UGT1A3: variants seen among roughly 807,000 people sequenced by gnomAD.
UGT1A3 encodes the protein UDP glucuronosyltransferase family 1 member A3.
Under a neutral mutation model 41.0 loss-of-function variants are expected in UGT1A3, and 31 were observed. The ratio of observed to expected loss-of-function variants is 0.76; its 90% CI spans 0.57 to 1.02. UGT1A3 has a LOEUF of 1.02. Among genes scored for constraint, UGT1A3 ranks in the 50% least tolerant of loss-of-function variants. The pLI, the probability that UGT1A3 is intolerant of heterozygous loss-of-function variation, is 0.00. For missense variants in UGT1A3, 737 were observed against 671.0 expected (o/e 1.10, Z -1.09); for synonymous variants, 262 against 257.6 (o/e 1.02, Z -0.17).
intron 1 of UGT1A3, among the ~76,000 whole-genome samples, chr2:233,749,246 T>C (rs765293150): frequency 2.6e-5 from 4 of 151,942 alleles, no homozygotes; most frequent in East Asian, 1.9e-4. Flanking sequence ...TCAAACCACA[T>C]GATTTTTTTA....
chr2:233,759,816 G>T (rs540177588), intron 1 of UGT1A3, among the ~76,000 whole-genome samples: 2 of 152,284 alleles, frequency 1.3e-5, no homozygotes, highest in East Asian at 3.9e-4. Context: ...AGGCAGTACC[G>T]GGGGAGCTGT....
intron 1 of UGT1A3, chr2:233,743,989 C>T: frequency 7.9e-7 from 1 of 1,273,692 alleles, no homozygotes; most frequent in South Asian, 1.3e-5. Context: ...AGGCGCAGGC[C>T]CGAGTGCTCG....
In UGT1A3 at chr2:233,761,134, C is replaced by T. The variant is rs1160983011; in HGVS notation, c.868-5900C>T. ...TGTTGGTGGAATCAACTGCCTTCAC[C>T]AAAATCCACTATCCCAGGTGTGTAT... On this transcript the variant is annotated intron_variant, in intron 1 of 4. Coordinates refer to ENST00000482026, the MANE Select transcript of UGT1A3 (RefSeq NM_019093.4). 3.7e-6 allele frequency: 6 copies of T among 1,614,160 alleles called. No homozygotes were observed. Among genetic ancestry groups the T allele is most frequent in the Non-Finnish European group, 5.1e-6 (6 of 1,180,024 alleles).
At chr2:233,752,965 A>C (rs1252890509) in intron 1 of UGT1A3, among the ~76,000 whole-genome samples, 1 of 152,202 alleles carries the variant, frequency 6.6e-6, no homozygotes, top group East Asian at 1.9e-4. Flanking sequence ...GATTTATGTA[A>C]CCAATTGTGT....
intron 1 of UGT1A3, among the ~76,000 whole-genome samples, chr2:233,744,983 A>G (rs1224917598): frequency 1.3e-5 from 2 of 151,846 alleles, no homozygotes; most frequent in African/African-American, 4.9e-5. Flanking sequence ...GCCTCTAGTC[A>G]TCTCTTGATT....
rs763953331 is a variant in UGT1A3, at chr2:233,743,717, C to T, written c.867+13724C>T. The T allele has an allele frequency of 8.8e-6, 12 of 1,367,234 alleles. No individual in the cohort carries two copies. In the East Asian group the frequency reaches 2.7e-4, roughly 31 times the overall value. 84.7% of individuals were successfully genotyped at this position (1,367,234 alleles called of 1,614,324 possible). On this transcript the variant is annotated intron_variant, in intron 1 of 4. Coordinates refer to ENST00000482026, the MANE Select transcript of UGT1A3 (RefSeq NM_019093.4). ...GCCCTCCGCCCCCGCCTCGCCATAG[C>T]GGTCATAGATATCGCGTTTCTTGGC... is the stretch of plus-strand genomic sequence containing the variant.
chr2:233,772,307 C>G lies in UGT1A3; in HGVS notation c.1353C>G (p.Arg451=), dbSNP rs1321809873. The G allele has an allele frequency of 6.2e-7, 1 of 1,614,232 alleles. No homozygotes were observed. The highest frequency in any genetic ancestry group is 1.7e-5 in the Admixed American group (1 of 60,028). Residue 451 remains arginine (R), a synonymous_variant, in exon 5 of 5, where the codon CGC becomes CGG. Coordinates refer to ENST00000482026, the MANE Select transcript of UGT1A3 (RefSeq NM_019093.4). ...IMRLSSLHKD[R]PVEPLDLAVF... ...GCCTCTCCAGCCTTCACAAGGACCGCCCGGTGGAGCCGCTGGACCTGGCCG... is the reference window on the plus strand; with the variant it reads ...GCCTCTCCAGCCTTCACAAGGACCGGCCGGTGGAGCCGCTGGACCTGGCCG...
chr2:233,735,219 T>G (rs1349774730), intron 1 of UGT1A3, among the ~76,000 whole-genome samples: 1 of 152,194 alleles, frequency 6.6e-6, no homozygotes, highest in Admixed American at 6.5e-5. Flanking sequence ...GCATATATAT[T>G]TAGGATAGTT....
At chr2:233,760,734 G>C (rs1458334680) in intron 1 of UGT1A3, 2 of 1,614,080 alleles carry the variant, frequency 1.2e-6, no homozygotes, top group Non-Finnish European at 1.7e-6. Context: ...ATGTCATGCT[G>C]ACGGACCCTT....
intron 1 of UGT1A3, chr2:233,743,999 G>C (rs981482683): frequency 6.6e-6 from 8 of 1,219,924 alleles, no homozygotes; most frequent in African/African-American, 3.2e-5. Flanking sequence ...CCGAGTGCTC[G>C]GAGACCTGGG....
At position 233,768,045 on chromosome 2, in the gene UGT1A3, A is replaced by G. The variant is rs1699553884; in HGVS notation, c.1087+109A>G. 10 of 1,608,356 alleles carry G rather than the reference A, an allele frequency of 6.2e-6. No individual in the cohort carries two copies. The Admixed American group carries it at 1.5e-4, about 25-fold the overall frequency. On this transcript the variant is annotated intron_variant, in intron 3 of 4. Coordinates refer to ENST00000482026, the MANE Select transcript of UGT1A3 (RefSeq NM_019093.4). ...TGAGCTTGAAAATATTATGGCCAAC[A>G]TATCCTACATTGCTTTTTATCTAGT...
intron 1 of UGT1A3, among the ~76,000 whole-genome samples, chr2:233,751,262 C>A (rs1474286955): frequency 1.3e-5 from 2 of 151,906 alleles, no homozygotes; most frequent in Non-Finnish European, 2.9e-5. Flanking sequence ...GCCTGTAGCC[C>A]CCTTTTTTTG....
chr2:233,729,088 C>A lies in UGT1A3; in HGVS notation c.-39C>A. 8 of 1,612,432 alleles carry A rather than the reference C, an allele frequency of 5.0e-6. No homozygotes were observed. Among genetic ancestry groups the A allele is most frequent in the Non-Finnish European group, 6.8e-6 (8 of 1,179,846 alleles). ...AAGAAAGCAAATGTAGCAGGCACAGCGTGGGGTGGACAGTCAGCTGTCCGT... is the reference window on the plus strand; with the variant it reads ...AAGAAAGCAAATGTAGCAGGCACAGAGTGGGGTGGACAGTCAGCTGTCCGT... On this transcript the variant is annotated 5_prime_UTR_variant, in exon 1 of 5. Transcript: ENST00000482026.
chr2:233,760,870 A>G lies in UGT1A3; in HGVS notation c.868-6164A>G, dbSNP rs761998591. Reference sequence around the variant, plus strand: ...CCCCAACCCATTCTCCTACGTGCCCAGGCCTCTCTCCTCTCATTCAGATCA... The same window carrying G: ...CCCCAACCCATTCTCCTACGTGCCCGGGCCTCTCTCCTCTCATTCAGATCA... On this transcript the variant is annotated intron_variant, in intron 1 of 4. Transcript: ENST00000482026. 2.5e-6 allele frequency: 4 copies of G among 1,614,048 alleles called. No individual in the cohort carries two copies. Among genetic ancestry groups the G allele is most frequent in the Admixed American group, 3.3e-5 (2 of 60,002 alleles).
At chr2:233,765,715 T>C (rs1435382994) in intron 1 of UGT1A3, among the ~76,000 whole-genome samples, 2 of 140,082 alleles carry the variant, frequency 1.4e-5, no homozygotes, top group African/African-American at 6.4e-5. Flanking sequence ...TAATAATTAA[T>C]AATAATAATA....
At position 233,772,966 on chromosome 2, in the gene UGT1A3, C is replaced by T; in HGVS notation, c.*407C>T. ...CTTCTGCAGATGGTTGCAATTGATCCTTAACCAATAATGGTCAGTCCTCAT... is the reference window on the plus strand; with the variant it reads ...CTTCTGCAGATGGTTGCAATTGATCTTTAACCAATAATGGTCAGTCCTCAT... On this transcript the variant is annotated 3_prime_UTR_variant, in exon 5 of 5. Transcript: ENST00000482026. 1 of 310,570 alleles carries T rather than the reference C, an allele frequency of 3.2e-6. No homozygotes were observed. The highest frequency in any genetic ancestry group is 3.3e-5 in the South Asian group (1 of 30,476). The allele number at this position is 310,570 out of a possible 1,614,324, so 19.2% of individuals were successfully genotyped here.
intron 1 of UGT1A3, chr2:233,761,214 TTAAC>T (rs747537928): frequency 1.9e-6 from 3 of 1,613,728 alleles, no homozygotes; most frequent in Non-Finnish European, 2.5e-6. Context: ...TTTGGATCGA[TTAAC>T]TAGCCCCAGA....
intron 1 of UGT1A3, chr2:233,747,353 C>T (rs1297550032): frequency 5.6e-6 from 9 of 1,602,858 alleles, no homozygotes; most frequent in East Asian, 2.2e-5. Context: ...TGCGGGAGGC[C>T]GTGCGGGAGC....
At chr2:233,747,871 T>G (rs12466997) in intron 1 of UGT1A3, 2 of 1,613,304 alleles carry the variant, frequency 1.2e-6, no homozygotes, top group Non-Finnish European at 1.7e-6. Flanking sequence ...CCTCTGGCCC[T>G]GTCCTACCTT....
Sources: gnomAD v4.1 joint callset for allele counts (sites outside exome capture counted in the v4.1 genomes callset) on GRCh38, gnomAD v4.1.1 for gene constraint, MANE v1.5 for transcripts, NCBI Gene and HGNC (gene_info 2026-07-23, HGNC 2026-07-21) for gene names.